HMGCLL1: variants seen among roughly 807,000 people sequenced by gnomAD.
The protein encoded by HMGCLL1 is 3-hydroxy-3-methylglutaryl-CoA lyase like 1.
HMGCLL1 carries 36 observed loss-of-function variants against 39.1 expected under a neutral mutation model. The ratio of observed to expected loss-of-function variants is 0.92; its 90% CI spans 0.71 to 1.22. The LOEUF (loss-of-function observed/expected upper bound fraction) is 1.22, where lower values mean the gene tolerates loss of function less well. Among genes scored for constraint, HMGCLL1 ranks in the 50% most tolerant of loss-of-function variants. HMGCLL1 has a pLI of 0.00. For synonymous variants in HMGCLL1, 149 were observed against 144.0 expected (o/e 1.03, Z -0.25); for missense variants, 451 against 416.5 (o/e 1.08, Z -0.72).
chr6:55,543,532 G>GTA (rs564224348), intron 1 of HMGCLL1, among the ~76,000 whole-genome samples: 4 of 101,314 alleles, frequency 3.9e-5, no homozygotes, highest in Admixed American at 1.2e-4. Context: ...ATTTTTATGT[G>GTA]TATATATATA....
intron 7 of HMGCLL1, among the ~76,000 whole-genome samples, chr6:55,480,202 G>A (rs1765663160): frequency 6.6e-6 from 1 of 151,524 alleles, no homozygotes; most frequent in Admixed American, 6.6e-5. Flanking sequence ...CACAGAATGG[G>A]AGAAAATATT....
At chr6:55,556,494 A>T (rs1004384237) in intron 1 of HMGCLL1, among the ~76,000 whole-genome samples, 6 of 152,146 alleles carry the variant, frequency 3.9e-5, no homozygotes, top group Non-Finnish European at 8.8e-5. Context: ...CCAGTGTTAG[A>T]TGGAGAAGAG....
At chr6:55,579,694 C>T (rs141669538), upstream of HMGCLL1, among the ~76,000 whole-genome samples, 51 of 152,246 alleles carry the variant, frequency 3.3e-4, no homozygotes, top group East Asian at 7.5e-3. Context: ...GAGGTACGTT[C>T]CTAAATGAGA....
chr6:55,484,051 G>A (rs73746337), intron 7 of HMGCLL1, among the ~76,000 whole-genome samples: 6,844 of 152,150 alleles, frequency 0.045, 474 homozygotes, highest in African/African-American at 0.15. Context: ...TAAAAATAAA[G>A]TCCAGTTGGG....
At chr6:55,672,764 G>T in the HMGCLL1 span, among the ~76,000 whole-genome samples, 1 of 151,854 alleles carries the variant, frequency 6.6e-6, no homozygotes, top group African/African-American at 2.4e-5. Flanking sequence ...CTCTTGATAA[G>T]AGACTATATT....
intron 1 of HMGCLL1, among the ~76,000 whole-genome samples, chr6:55,575,708 A>G (rs1254186064): frequency 6.6e-6 from 1 of 152,160 alleles, no homozygotes; most frequent in Non-Finnish European, 1.5e-5. Flanking sequence ...AGCCTCCAGA[A>G]ACCATTTTTA....
chr6:55,565,430 GT>G (rs1771166886), intron 1 of HMGCLL1, among the ~76,000 whole-genome samples: 1 of 151,970 alleles, frequency 6.6e-6, no homozygotes, highest in African/African-American at 2.4e-5. Context: ...TCTATTAATG[GT>G]TAATGTAGTA....
intron 6 of HMGCLL1, 33 bp downstream of exon 6, chr6:55,499,203 C>T (rs765138690): frequency 6.4e-7 from 1 of 1,555,626 alleles, no homozygotes; most frequent in Non-Finnish European, 8.8e-7. Flanking sequence ...TATCATGTTA[C>T]CATAAACCAA....
the HMGCLL1 span, among the ~76,000 whole-genome samples, chr6:55,652,064 G>C: frequency 9.9e-5 from 15 of 151,864 alleles, no homozygotes; most frequent in Admixed American, 6.6e-4. Context: ...GTGATTTTTC[G>C]CCTGATTTTT....
chr6:55,620,599 T>C, the HMGCLL1 span, among the ~76,000 whole-genome samples: 1 of 151,918 alleles, frequency 6.6e-6, no homozygotes, highest in African/African-American at 2.4e-5. Flanking sequence ...TCCATTTTTA[T>C]TTTGATTTCC....
At chr6:55,477,622 T>C (rs769062423) in intron 7 of HMGCLL1, among the ~76,000 whole-genome samples, 1 of 144,122 alleles carries the variant, frequency 6.9e-6, no homozygotes, top group South Asian at 2.1e-4. Flanking sequence ...AATGGGGGAA[T>C]AGATAAGTAA....
At chr6:55,607,957 C>T in the HMGCLL1 span, among the ~76,000 whole-genome samples, 6 of 152,108 alleles carry the variant, frequency 3.9e-5, no homozygotes, top group African/African-American at 1.4e-4. Flanking sequence ...CCCTTTGATT[C>T]TTCTCTCATT....
intron 3 of HMGCLL1, among the ~76,000 whole-genome samples, chr6:55,525,881 C>T (rs999375558): frequency 5.3e-5 from 8 of 151,820 alleles, no homozygotes; most frequent in Admixed American, 5.3e-4. Context: ...ATAGACCCTA[C>T]AAAACAGATT....
At chr6:55,632,288 T>C in the HMGCLL1 span, among the ~76,000 whole-genome samples, 7 of 152,012 alleles carry the variant, frequency 4.6e-5, no homozygotes, top group East Asian at 5.8e-4. Flanking sequence ...CTCAATTACA[T>C]CTAAGGATTC....
the HMGCLL1 span, among the ~76,000 whole-genome samples, chr6:55,603,996 AT>A: frequency 2.2e-3 from 331 of 152,318 alleles, no homozygotes; most frequent in Non-Finnish European, 3.9e-3. Flanking sequence ...TTTAATATCT[AT>A]TCCCATAGAG....
chr6:55,636,718 A>T, the HMGCLL1 span, among the ~76,000 whole-genome samples: 3 of 152,184 alleles, frequency 2.0e-5, no homozygotes, highest in Admixed American at 1.3e-4. Flanking sequence ...TTGCAATTAC[A>T]GGCAAAATGG....
the HMGCLL1 span, among the ~76,000 whole-genome samples, chr6:55,672,938 G>A: frequency 4.0e-5 from 6 of 151,848 alleles, no homozygotes; most frequent in Non-Finnish European, 8.8e-5. Context: ...TCTTAAGTAT[G>A]TCAGGACTAA....
At chr6:55,551,596 C>A (rs1770329494) in intron 1 of HMGCLL1, among the ~76,000 whole-genome samples, 1 of 151,874 alleles carries the variant, frequency 6.6e-6, no homozygotes, top group Non-Finnish European at 1.5e-5. Context: ...GAGATTATTA[C>A]CATCCTCAAG....
chr6:55,580,503 C>A (rs1435236052), upstream of HMGCLL1, among the ~76,000 whole-genome samples: 2 of 142,486 alleles, frequency 1.4e-5, no homozygotes, highest in Admixed American at 7.7e-5. Flanking sequence ...GAAAGCTTCT[C>A]CCCCCAGGTT....
Sources: gnomAD v4.1 joint callset for allele counts (sites outside exome capture counted in the v4.1 genomes callset) on GRCh38, gnomAD v4.1.1 for gene constraint, MANE v1.5 for transcripts, NCBI Gene and HGNC (gene_info 2026-07-23, HGNC 2026-07-21) for gene names.